KCNAB2: variants seen among roughly 807,000 people sequenced by gnomAD.
KCNAB2 encodes voltage-gated potassium channel subunit beta-2.
In KCNAB2, 29 loss-of-function variants were observed where a neutral mutation model predicts 63.6. The observed-to-expected ratio is 0.46, with a 90% CI of 0.34 to 0.62. The LOEUF (loss-of-function observed/expected upper bound fraction) is 0.62, where lower values mean the gene tolerates loss of function less well. Among genes scored for constraint, KCNAB2 ranks in the 20% least tolerant of loss-of-function variants. The pLI, the probability that KCNAB2 is intolerant of heterozygous loss-of-function variation, is 0.01. For synonymous variants in KCNAB2, 222 were observed against 224.2 expected (o/e 0.99, Z 0.09); for missense variants, 359 against 563.9 (o/e 0.64, Z 3.68).
At position 5,998,992 on chromosome 1, in the gene KCNAB2, G is replaced by A. The variant is rs533858911; in HGVS notation, c.-53+6204G>A. On this transcript the variant is annotated intron_variant, in intron 1 of 16. Transcript: ENST00000341524. ...GAAGGTGAGGGCACAGGGTGGCTCCGGGGCTGGCGGGCGTAGACGAAGCCG... is the reference window on the plus strand; with the variant it reads ...GAAGGTGAGGGCACAGGGTGGCTCCAGGGCTGGCGGGCGTAGACGAAGCCG... 4.6e-5 allele frequency among the ~76,000 whole-genome samples: 7 copies of A among 152,366 alleles called. 1 individual carries two copies. Among genetic ancestry groups the A allele is most frequent in the South Asian group, 4.1e-4 (2 of 4,830 alleles).
At chr1:6,020,557 A>G (rs1014616504) in intron 1 of KCNAB2, among the ~76,000 whole-genome samples, 6 of 152,192 alleles carry the variant, frequency 3.9e-5, no homozygotes, top group Non-Finnish European at 2.9e-5. Context: ...CGGGTTATGG[A>G]CCGCCACAGG....
At chr1:6,040,726 C>A in intron 2 of KCNAB2, 1 of 879,726 alleles carries the variant, frequency 1.1e-6, no homozygotes, top group East Asian at 2.6e-5. Context: ...CACTGTCCTC[C>A]CCTCTGGAGG....
At chr1:6,037,872 CTTTTT>C (rs1210270485) in intron 1 of KCNAB2, among the ~76,000 whole-genome samples, 3 of 117,620 alleles carry the variant, frequency 2.6e-5, no homozygotes, top group Non-Finnish European at 1.8e-5. Flanking sequence ...GAATGAGGGT[CTTTTT>C]TTTTTTTTTT....
chr1:6,049,588 C>G (rs147813434), intron 1 of KCNAB2, among the ~76,000 whole-genome samples: 1 of 152,212 alleles, frequency 6.6e-6, no homozygotes, highest in African/African-American at 2.4e-5. Context: ...ACTGGTTGCT[C>G]GCCTTTAGGG....
At chr1:6,091,127 A>G in intron 9 of KCNAB2, 136 bp from the exon 10 acceptor site, 1 of 695,678 alleles carries the variant, frequency 1.4e-6, no homozygotes, top group South Asian at 1.5e-5. Context: ...GTGTGTTGAT[A>G]TATTTTTTTC....
intron 4 of KCNAB2, among the ~76,000 whole-genome samples, chr1:6,079,064 C>T (rs1180124786): frequency 6.6e-6 from 1 of 152,186 alleles, no homozygotes; most frequent in Non-Finnish European, 1.5e-5. Flanking sequence ...CTTCAGGCTC[C>T]AGTGATGGGA....
At chr1:6,072,988 G>T (rs1403794732) in intron 3 of KCNAB2, among the ~76,000 whole-genome samples, 190 bp downstream of exon 3, 3 of 152,034 alleles carry the variant, frequency 2.0e-5, no homozygotes, top group Non-Finnish European at 1.5e-5. Flanking sequence ...GGTGGGAGGG[G>T]GGCTGGGATA....
upstream of KCNAB2, among the ~76,000 whole-genome samples, chr1:6,031,608 C>T (rs942155828): frequency 7.2e-5 from 11 of 151,974 alleles, no homozygotes; most frequent in African/African-American, 2.4e-4. The surrounding 1 kb of genome is among the most constrained non-coding windows in gnomAD (Gnocchi z 4.1). Flanking sequence ...CAGCCCTGGC[C>T]GGGTGCAGTG....
rs376033877 is a variant in KCNAB2 at position 6,026,722 on chromosome 1, A to C, written c.-52-13795A>C. 7.2e-5 allele frequency among the ~76,000 whole-genome samples: 11 copies of C among 152,288 alleles called. 1 individual carries two copies. The highest frequency in any genetic ancestry group is 2.4e-4 in the African/African-American group (10 of 41,568). ...GCCTGGCACCCAGCAGAGATGTCTG[A>C]CGGCCGCACATTCTCCCCTGGCTTC... On this transcript the variant is annotated intron_variant, in intron 1 of 16. Coordinates refer to the KCNAB2 transcript ENST00000341524.
rs542128070 is a variant in KCNAB2 at position 6,069,051 on chromosome 1, G to A, written c.219-3704G>A. ...CACCCCTGAATTACTACCCAACATCGTCCCAAACAAGCACTCCCTGGGACC... is the reference window on the plus strand; with the variant it reads ...CACCCCTGAATTACTACCCAACATCATCCCAAACAAGCACTCCCTGGGACC... On this transcript the variant is annotated intron_variant, in intron 2 of 15. Transcript: ENST00000378083. This position sits in a 1 kb window ranked among gnomAD's most constrained non-coding sequence, Gnocchi z 5.4. Among the ~76,000 whole-genome samples the A allele has an allele frequency of 4.6e-5, 7 of 152,186 alleles. No individual in the cohort carries two copies. The highest frequency in any genetic ancestry group is 1.9e-4 in the East Asian group (1 of 5,166).
At chr1:6,081,190 A>G (rs1664180559) in intron 4 of KCNAB2, among the ~76,000 whole-genome samples, 1 of 152,220 alleles carries the variant, frequency 6.6e-6, no homozygotes, top group Admixed American at 6.5e-5. Flanking sequence ...TAGCTCGGGC[A>G]GTCATTCATC....
At chr1:6,046,812 G>A (rs1335368514) in intron 1 of KCNAB2, among the ~76,000 whole-genome samples, 1 of 152,220 alleles carries the variant, frequency 6.6e-6, no homozygotes, top group Non-Finnish European at 1.5e-5. Context: ...CAGAAGAGAT[G>A]CTCAGGGTTC....
intron 4 of KCNAB2, among the ~76,000 whole-genome samples, chr1:6,080,397 C>A (rs1664093379): frequency 6.6e-6 from 1 of 152,172 alleles, no homozygotes; most frequent in South Asian, 2.1e-4. Flanking sequence ...GGGGGGGCAG[C>A]AGCAGGTCCC....
At position 5,994,358 on chromosome 1, in the gene KCNAB2, T is replaced by A. The variant is rs2102524173; in HGVS notation, c.-53+1570T>A. On this transcript the variant is annotated intron_variant, in intron 1 of 16. Transcript: ENST00000341524. This position sits in a 1 kb window ranked among gnomAD's most constrained non-coding sequence, Gnocchi z 5.4. ...TGTCTGCTGCAGAGCCCTGTGCAGC[T>A]CCTGGCCCTGTGCTCTCGCAGTGTG... 6.6e-6 allele frequency among the ~76,000 whole-genome samples: 1 copy of A among 152,354 alleles called. No individual in the cohort carries two copies. Among genetic ancestry groups the A allele is most frequent in the South Asian group, 2.1e-4 (1 of 4,830 alleles).
chr1:5,993,509 T>A (rs1251401014), intron 1 of KCNAB2, among the ~76,000 whole-genome samples: 1 of 152,138 alleles, frequency 6.6e-6, no homozygotes, highest in Non-Finnish European at 1.5e-5. Flanking sequence ...CTTCCGCACC[T>A]CCCTACCTGC....
chr1:6,091,025 T>C (rs1665144415), intron 9 of KCNAB2, among the ~76,000 whole-genome samples: 1 of 152,270 alleles, frequency 6.6e-6, no homozygotes, highest in Non-Finnish European at 1.5e-5. Flanking sequence ...TACAGGCGTC[T>C]TTCCATGTGT....
At chr1:6,090,842 T>C (rs1665130043) in intron 9 of KCNAB2, among the ~76,000 whole-genome samples, 1 of 152,212 alleles carries the variant, frequency 6.6e-6, no homozygotes, top group Non-Finnish European at 1.5e-5. Context: ...CGGTGTTCTC[T>C]CCAATCACCA....
At position 6,051,661 on chromosome 1, in the gene KCNAB2, C is replaced by A; in HGVS notation, c.125C>A (p.Ala42Glu). Residue 42 changes from alanine (A) to glutamate (E), a missense_variant, in exon 2 of 16, where the codon GCG becomes GAG. Transcript: ENST00000378083. ...CTGCAGCGGCTGCGGGAGGTGCGGG[C>A]GGCTGCCCAGGCCAGGAACATGGAG... is the stretch of plus-strand genomic sequence containing the variant. ...LELQRLREVR[A>E]AAQARNMESF... The A allele has an allele frequency of 6.5e-7, 1 of 1,534,042 alleles. No homozygotes were observed. Among genetic ancestry groups the A allele is most frequent in the Non-Finnish European group, 8.7e-7 (1 of 1,146,654 alleles).
At position 6,049,164 on chromosome 1, in the gene KCNAB2, CA is replaced by C. The variant is rs1661187193; in HGVS notation, c.-26-2345del. ...GGCAGGAAGCCAGCCCCGCCCCCAC[CA>C]ACAGCTGCCTGGCACTGCCAGGAAA... is the stretch of plus-strand genomic sequence containing the variant. On this transcript the variant is annotated intron_variant, in intron 1 of 15. Coordinates refer to ENST00000378083, the MANE Select transcript of KCNAB2 (RefSeq NM_001199862.2). Among the ~76,000 whole-genome samples, 3 of 152,344 alleles carry C rather than the reference CA, an allele frequency of 2.0e-5. No homozygotes were observed. The South Asian group carries it at 6.2e-4, about 32-fold the overall frequency.
Sources: allele counts gnomAD v4.1 joint callset (sites outside exome capture counted in the v4.1 genomes callset), GRCh38; gene constraint gnomAD v4.1.1; non-coding constraint Gnocchi (gnomAD v3.1); transcripts MANE v1.5; gene names NCBI Gene and HGNC (gene_info 2026-07-23, HGNC 2026-07-21).